DISC1: variants seen among roughly 807,000 people sequenced by gnomAD.
DISC1 encodes the protein disrupted in schizophrenia 1 protein.
In DISC1, 57 loss-of-function variants were observed where a neutral mutation model predicts 84.5. The ratio of observed to expected loss-of-function variants is 0.67; its 90% confidence interval spans 0.55 to 0.84. The LOEUF is 0.84. Among genes scored for constraint, DISC1 ranks in the 40% least tolerant of loss-of-function variants. The probability of loss-of-function intolerance (pLI) is 0.00; values close to 1 mark genes in which losing one functional copy is unlikely to be tolerated. For missense variants in DISC1, 1,000 were observed against 1,057.8 expected, an observed-to-expected ratio of 0.95 and a Z score of 0.76; for synonymous variants, 411 against 415.2, an observed-to-expected ratio of 0.99 and a Z score of 0.12.
chr1:232,021,496 C>A (rs1668962320), intron 11 of DISC1, among the ~76,000 whole-genome samples: 1 of 152,188 alleles, frequency 6.6e-6, no homozygotes, highest in Admixed American at 6.5e-5. Flanking sequence ...CACTTCCCAG[C>A]CTAATGGCCA....
intron 1 of DISC1, among the ~76,000 whole-genome samples, chr1:231,674,226 C>T (rs2062910233): frequency 6.6e-6 from 1 of 151,932 alleles, no homozygotes; most frequent in Non-Finnish European, 1.5e-5. Flanking sequence ...CAGATTATGT[C>T]AGATTTGTCA....
At chr1:231,884,902 T>C (rs762021006) in intron 9 of DISC1, among the ~76,000 whole-genome samples, 1 of 152,134 alleles carries the variant, frequency 6.6e-6, no homozygotes, top group South Asian at 2.1e-4. Context: ...ATGCATTTAG[T>C]GCTGGAATAT....
At chr1:231,853,592 G>A (rs1166325421) in intron 9 of DISC1, among the ~76,000 whole-genome samples, 1 of 152,228 alleles carries the variant, frequency 6.6e-6, no homozygotes, top group East Asian at 1.9e-4. Flanking sequence ...GTACATGACT[G>A]TACTAGCATT....
At chr1:231,770,805 T>A (rs1159560313) in intron 5 of DISC1, 30 bp from the exon 6 acceptor site, 1 of 1,606,972 alleles carries the variant, frequency 6.2e-7, no homozygotes, top group Non-Finnish European at 8.5e-7. Context: ...AGGGTTAATT[T>A]ATAAAATCTT....
At chr1:231,942,110 CCATGCCCCACCTGAAG>C (rs1300167211) in intron 9 of DISC1, among the ~76,000 whole-genome samples, 1 of 152,134 alleles carries the variant, frequency 6.6e-6, no homozygotes, top group Admixed American at 6.5e-5. Context: ...GCAAGGCTGA[CCATGCCCCACCTGAAG>C]GTTTTGGGAA....
chr1:231,965,972 T>TA lies in DISC1; in HGVS notation c.2042+7085dup, dbSNP rs763002848. Among the ~76,000 whole-genome samples, 7 of 152,378 alleles carry TA rather than the reference T, an allele frequency of 4.6e-5. No homozygotes were observed. The South Asian group carries it at 1.4e-3, about 32-fold the overall frequency. ...TTGTAGATGGAGCCTTTACTTTTCT[T>TA]ATATTCCAAGTGGTATTCTAAGGTT... On this transcript the variant is annotated intron_variant, in intron 10 of 12. Transcript: ENST00000439617.
intron 9 of DISC1, among the ~76,000 whole-genome samples, chr1:231,866,368 T>G (rs1455395732): frequency 6.6e-6 from 1 of 152,180 alleles, no homozygotes. Context: ...AAACTTGGAT[T>G]TAATTATCTC....
At chr1:232,024,553 T>C (rs1669269389) in intron 11 of DISC1, among the ~76,000 whole-genome samples, 1 of 152,180 alleles carries the variant, frequency 6.6e-6, no homozygotes, top group Non-Finnish European at 1.5e-5. Flanking sequence ...GTAGTAAACT[T>C]GTAGTTTAAG....
chr1:231,770,735 G>A, intron 5 of DISC1, 100 bp from the exon 6 acceptor site: 1 of 1,544,582 alleles, frequency 6.5e-7, no homozygotes, highest in Non-Finnish European at 8.8e-7. Flanking sequence ...TGTAGTTCTG[G>A]TGCATATGGC....
intron 6 of DISC1, among the ~76,000 whole-genome samples, chr1:231,786,076 A>G (rs1046994715): frequency 6.6e-6 from 1 of 152,134 alleles, no homozygotes; most frequent in African/African-American, 2.4e-5. Context: ...TCTATTATAG[A>G]GTGAAAAACA....
chr1:231,757,495 C>T (rs775841865), intron 4 of DISC1, among the ~76,000 whole-genome samples: 2 of 152,154 alleles, frequency 1.3e-5, no homozygotes, highest in Non-Finnish European at 2.9e-5. Flanking sequence ...CCTCTGAACT[C>T]GTGTAGAAGA....
chr1:231,802,753 C>G (rs919304076), intron 8 of DISC1, among the ~76,000 whole-genome samples: 2 of 152,104 alleles, frequency 1.3e-5, no homozygotes, highest in Non-Finnish European at 2.9e-5. Context: ...CTGGAAATCT[C>G]CTTGGATGTC....
chr1:231,647,691 G>T (rs1401490023), intron 1 of DISC1, among the ~76,000 whole-genome samples: 1 of 152,192 alleles, frequency 6.6e-6, no homozygotes, highest in African/African-American at 2.4e-5. Flanking sequence ...CTATCCATGA[G>T]CATGGAATGT....
At chr1:232,033,564 A>C (rs1670249066) in intron 12 of DISC1, among the ~76,000 whole-genome samples, 1 of 152,180 alleles carries the variant, frequency 6.6e-6, no homozygotes. Context: ...GCGCCTGTTT[A>C]CTTTCTGCTG....
At chr1:231,848,100 G>A (rs919563518) in intron 9 of DISC1, among the ~76,000 whole-genome samples, 9 of 152,106 alleles carry the variant, frequency 5.9e-5, no homozygotes, top group Admixed American at 2.0e-4. Context: ...CTGACTCCAG[G>A]CCTGTCTGTG....
At chr1:232,026,851 C>T (rs372475991) in intron 12 of DISC1, among the ~76,000 whole-genome samples, 10 of 143,236 alleles carry the variant, frequency 7.0e-5, no homozygotes, top group South Asian at 6.7e-4. Flanking sequence ...TGGGTTCAAA[C>T]GGTTCTCCTG....
intron 9 of DISC1, among the ~76,000 whole-genome samples, chr1:231,901,637 A>G (rs997548453): frequency 6.6e-6 from 1 of 152,218 alleles, no homozygotes; most frequent in Non-Finnish European, 1.5e-5. Flanking sequence ...ATTGTGTGGT[A>G]GTTATTCTGC....
At chr1:231,834,306 G>A (rs2082468111) in intron 9 of DISC1, among the ~76,000 whole-genome samples, 1 of 152,076 alleles carries the variant, frequency 6.6e-6, no homozygotes. Flanking sequence ...GGTCAGATGG[G>A]TCTGTAGAAA....
At chr1:231,719,918 C>T (rs2125091268) in intron 3 of DISC1, among the ~76,000 whole-genome samples, 1 of 152,260 alleles carries the variant, frequency 6.6e-6, no homozygotes, top group African/African-American at 2.4e-5. Flanking sequence ...GTGGAATGAC[C>T]TTTAGTAGCT....
Sources: allele counts gnomAD v4.1 joint callset (sites outside exome capture counted in the v4.1 genomes callset), GRCh38; gene constraint gnomAD v4.1.1; transcripts MANE v1.5; gene names NCBI Gene and HGNC (gene_info 2026-07-23, HGNC 2026-07-21).